TYW1: variants seen among roughly 807,000 people sequenced by gnomAD.
The protein encoded by TYW1 is S-adenosyl-L-methionine-dependent tRNA 4-demethylwyosine synthase TYW1.
In TYW1, 46 loss-of-function variants were observed where a neutral mutation model predicts 96.2. The ratio of observed to expected loss-of-function variants is 0.48; its 90% CI spans 0.38 to 0.61. The LOEUF is 0.61. Among genes scored for constraint, TYW1 ranks in the 20% least tolerant of loss-of-function variants. The pLI is 0.00. For synonymous variants in TYW1, 274 were observed against 323.0 expected, an observed-to-expected ratio of 0.85 and a Z score of 1.63; for missense variants, 684 against 909.6, an observed-to-expected ratio of 0.75 and a Z score of 3.19.
intron 7 of TYW1, among the ~76,000 whole-genome samples, chr7:67,034,684 A>G (rs561904056): frequency 9.2e-5 from 14 of 152,228 alleles, no homozygotes; most frequent in Admixed American, 2.0e-4. Context: ...GATGAATTCA[A>G]TGTAAGGTTC....
chr7:67,210,764 G>A (rs530702915), intron 15 of TYW1, among the ~76,000 whole-genome samples: 21 of 144,098 alleles, frequency 1.5e-4, no homozygotes, highest in Non-Finnish European at 2.4e-4. Flanking sequence ...TCGTCTGTCC[G>A]TCCATCCATC....
rs182929925 is a variant in TYW1 at position 67,238,918 on chromosome 7, T to G, written c.*389T>G. ...TCTTCCCCTTACCCGGCCCTTAGAT[T>G]TCATGGAGCAGCCACTTAGCATTGA... On this transcript the variant is annotated 3_prime_UTR_variant, in exon 16 of 16. Coordinates refer to ENST00000359626, the MANE Select transcript of TYW1 (RefSeq NM_018264.4). 1.6e-4 allele frequency: 166 copies of G among 1,044,916 alleles called. No individual in the cohort carries two copies. In the African/African-American group the frequency reaches 2.6e-3, roughly 16 times the overall value. The allele number at this position is 1,044,916 out of a possible 1,614,324, so 64.7% of individuals were successfully genotyped here.
chr7:67,112,985 T>G lies in TYW1; in HGVS notation c.1563-4498T>G, dbSNP rs1195496836. Among the ~76,000 whole-genome samples the G allele has an allele frequency of 2.0e-5, 3 of 152,178 alleles. No individual in the cohort carries two copies. The East Asian group carries it at 5.8e-4, about 29-fold the overall frequency. ...CATCCCCGAATTCCATTTGCCATGT[T>G]AGAACCATGGGGGATAGTTTGTGAT... On this transcript the variant is annotated intron_variant, in intron 12 of 15. Transcript: ENST00000359626.
rs1354999902 is a variant in TYW1, at chr7:67,179,867, T to TA, written c.1699-3259_1699-3258insA. ...TAGGAATATATATATATATATATATTTTTTTTTTTTGGCGGGGGACAGGGT... is the reference window on the plus strand; with the variant it reads ...TAGGAATATATATATATATATATATTATTTTTTTTTTGGCGGGGGACAGGGT... On this transcript the variant is annotated intron_variant, in intron 13 of 15. Transcript: ENST00000359626. Among the ~76,000 whole-genome samples, 618 of 92,926 alleles carry TA rather than the reference T, an allele frequency of 6.7e-3. 68 individuals carry two copies. Among genetic ancestry groups the TA allele is most frequent in the African/African-American group, 0.024 (514 of 21,152 alleles). 61.0% of individuals were successfully genotyped at this position (92,926 alleles called of 152,430 possible).
At chr7:67,102,290 C>A (rs1338174308) in intron 12 of TYW1, among the ~76,000 whole-genome samples, 1 of 152,104 alleles carries the variant, frequency 6.6e-6, no homozygotes, top group Non-Finnish European at 1.5e-5. Context: ...CAACAAAATG[C>A]CGGCCACATT....
rs533731753 is a variant in TYW1, at chr7:67,238,203, C to T, written c.1978-105C>T. 10 of 1,506,624 alleles carry T rather than the reference C, an allele frequency of 6.6e-6. No homozygotes were observed. The East Asian group carries it at 6.9e-5, about 10-fold the overall frequency. 93.3% of individuals were successfully genotyped at this position (1,506,624 alleles called of 1,614,324 possible). On this transcript the variant is annotated intron_variant, in intron 15 of 15. Coordinates refer to ENST00000359626, the MANE Select transcript of TYW1 (RefSeq NM_018264.4). ...TTTGTTTTTGTTTTTGTTTTCTTGA[C>T]GTGATAGGGAGAAAAGATCAGACTT...
chr7:67,164,551 CA>C (rs1421444446), intron 13 of TYW1, among the ~76,000 whole-genome samples: 2 of 149,294 alleles, frequency 1.3e-5, no homozygotes. Context: ...GTCAAGGCTG[CA>C]GTGAGCTATG....
intron 15 of TYW1, among the ~76,000 whole-genome samples, chr7:67,209,717 C>T (rs1490546979): frequency 1.4e-4 from 21 of 152,006 alleles, no homozygotes; most frequent in African/African-American, 3.9e-4. Context: ...GGATTACAAG[C>T]GCACGCCACC....
Position 67,180,348 on chromosome 7 carries a change from C to G in TYW1, c.1699-2778C>G, listed in dbSNP as rs1799795493. Among the ~76,000 whole-genome samples, 2 of 107,172 alleles carry G rather than the reference C, an allele frequency of 1.9e-5. 1 individual carries two copies. The highest frequency in any genetic ancestry group is 6.1e-4 in the South Asian group (2 of 3,292). 70.3% of individuals were successfully genotyped at this position (107,172 alleles called of 152,430 possible). On this transcript the variant is annotated intron_variant, in intron 13 of 15. Transcript: ENST00000359626. ...GGATTCATTCTGGCCCCCGTGTCCA[C>G]ATTTAACTCACTACCGTATCCTTGG... is the stretch of plus-strand genomic sequence containing the variant.
chr7:67,014,670 T>C lies in TYW1; in HGVS notation c.570+109T>C, dbSNP rs28415224. On this transcript the variant is annotated intron_variant, in intron 5 of 15. Transcript: ENST00000359626. ...ACACGCACACACACATAAACACACATGTATGTGAAATAATCCACAAACTTT... is the reference window on the plus strand; with the variant it reads ...ACACGCACACACACATAAACACACACGTATGTGAAATAATCCACAAACTTT... 7,936 of 1,314,840 alleles carry C rather than the reference T, an allele frequency of 6.0e-3. 375 individuals are homozygous for C. The African/African-American group carries it at 0.1, about 17-fold the overall frequency. 81.4% of individuals were successfully genotyped at this position (1,314,840 alleles called of 1,614,324 possible).
intron 7 of TYW1, among the ~76,000 whole-genome samples, chr7:67,038,264 C>G (rs1444926076): frequency 6.6e-6 from 1 of 152,062 alleles, no homozygotes; most frequent in African/African-American, 2.4e-5. Context: ...GATTACGCCA[C>G]TGCACTCCAG....
intron 7 of TYW1, among the ~76,000 whole-genome samples, chr7:67,025,919 A>G (rs1227863264): frequency 3.9e-5 from 6 of 152,162 alleles, no homozygotes; most frequent in Non-Finnish European, 7.3e-5. Context: ...ACCTATACAA[A>G]TTCAAATGAA....
intron 5 of TYW1, among the ~76,000 whole-genome samples, chr7:67,014,883 C>G (rs1246076050): frequency 6.6e-6 from 1 of 152,004 alleles, no homozygotes; most frequent in Non-Finnish European, 1.5e-5. Flanking sequence ...GCATGTGCCA[C>G]CAGGCTTGGC....
chr7:67,237,438 T>G (rs1801924958), intron 15 of TYW1, among the ~76,000 whole-genome samples: 1 of 149,396 alleles, frequency 6.7e-6, no homozygotes, highest in South Asian at 2.1e-4. Context: ...AGGCAGAGCT[T>G]GCAGTGAGCC....
chr7:67,079,726 T>G (rs1156790337), intron 10 of TYW1, among the ~76,000 whole-genome samples: 1 of 152,144 alleles, frequency 6.6e-6, no homozygotes, highest in Admixed American at 6.5e-5. Flanking sequence ...ATATAGTTGT[T>G]TATTATTATA....
chr7:67,005,506 C>T (rs550404693), intron 3 of TYW1, among the ~76,000 whole-genome samples: 2 of 152,158 alleles, frequency 1.3e-5, no homozygotes, highest in East Asian at 1.9e-4. Context: ...TGAGGTGGGA[C>T]GATTGCTTGA....
At chr7:67,084,243 T>G (rs1329780969) in intron 11 of TYW1, among the ~76,000 whole-genome samples, 5 of 147,588 alleles carry the variant, frequency 3.4e-5, no homozygotes, top group African/African-American at 1.3e-4. Flanking sequence ...AAAACCGTTT[T>G]GAATGAATTC....
rs1308822950 is a variant in TYW1 at position 67,071,023 on chromosome 7, C to T, written c.1274+3620C>T. 9.2e-5 allele frequency among the ~76,000 whole-genome samples: 14 copies of T among 151,434 alleles called. No individual in the cohort carries two copies. In the East Asian group the frequency reaches 2.0e-3, roughly 21 times the overall value. On this transcript the variant is annotated intron_variant, in intron 10 of 15. Transcript: ENST00000359626. ...GTGGGCGCCTGTAGTCCCAGCTACTCGGGAGGCTGAGGCAGGAGAATGGCG... is the reference window on the plus strand; with the variant it reads ...GTGGGCGCCTGTAGTCCCAGCTACTTGGGAGGCTGAGGCAGGAGAATGGCG...
intron 2 of TYW1, 31 bp from the exon 3 acceptor site, chr7:66,998,786 G>C (rs368839970): frequency 1.2e-6 from 2 of 1,611,864 alleles, no homozygotes; most frequent in South Asian, 2.2e-5. Flanking sequence ...ATTTAGACTT[G>C]ATGGATTTTG....
Sources: allele counts gnomAD v4.1 joint callset (sites outside exome capture counted in the v4.1 genomes callset), GRCh38; gene constraint gnomAD v4.1.1; transcripts MANE v1.5; gene names NCBI Gene and HGNC (gene_info 2026-07-23, HGNC 2026-07-21).